NID2: variants seen among roughly 807,000 people sequenced by gnomAD.
NID2 encodes nidogen-2.
Under a neutral mutation model 145.4 loss-of-function variants are expected in NID2, and 83 were observed. The observed-to-expected ratio is 0.57, with a 90% CI of 0.48 to 0.69. The LOEUF is 0.69. NID2 is among the 30% of genes least tolerant of loss of function. The probability of loss-of-function intolerance (pLI) is 0.00; values close to 1 mark genes in which losing one functional copy is unlikely to be tolerated. For synonymous variants in NID2, 739 were observed against 701.3 expected (o/e 1.05, Z -0.85); for missense variants, 1,807 against 1,765.7 (o/e 1.02, Z -0.42).
At chr14:52,008,732 G>A (rs1379063696) in intron 18 of NID2, 1 of 152,178 alleles carries the variant, frequency 6.6e-6, no homozygotes, top group Non-Finnish European at 1.5e-5. Flanking sequence ...AACAAATACA[G>A]CTGTTAGGAA....
intron 14 of NID2, among the ~76,000 whole-genome samples, chr14:52,016,038 G>A (rs1891205017): frequency 1.3e-5 from 2 of 152,106 alleles, no homozygotes; most frequent in East Asian, 3.9e-4. Flanking sequence ...CTGCCGTGTT[G>A]CCCTTTCCCC....
chr14:52,038,861 G>A lies in NID2; in HGVS notation c.2143C>T (p.His715Tyr). 1 of 1,614,138 alleles carries A rather than the reference G, an allele frequency of 6.2e-7. No individual in the cohort carries two copies. The highest frequency in any genetic ancestry group is 1.1e-5 in the South Asian group (1 of 91,068). Residue 715 changes from histidine (H) to tyrosine (Y), a missense_variant, in exon 9 of 22, where the codon CAC (histidine) becomes TAC (tyrosine). Physicochemically the swap from His to Tyr is moderately conservative, Grantham distance 83. Transcript: ENST00000216286. ...TGCTGGGTGGTGGGGAAGGACGGGT[G>A]TCTGGGGGCGTGCCTGCACACCTGG... ...TYQVCRHAPR[H>Y]PSFPTTQQLN...
At chr14:52,006,082 G>T in intron 20 of NID2, 1 of 516,054 alleles carries the variant, frequency 1.9e-6, no homozygotes, top group Non-Finnish European at 3.5e-6. Flanking sequence ...TGTAGGGCAT[G>T]GTGTAAAGGG....
At chr14:52,051,726 A>AT (rs1007436149) in intron 5 of NID2, among the ~76,000 whole-genome samples, 5 of 152,166 alleles carry the variant, frequency 3.3e-5, no homozygotes, top group African/African-American at 7.2e-5. Flanking sequence ...CAAAAACTGG[A>AT]TTTTTTTTGT....
chr14:52,062,771 G>A (rs1893056276), intron 2 of NID2, among the ~76,000 whole-genome samples: 1 of 152,000 alleles, frequency 6.6e-6, no homozygotes, highest in Admixed American at 6.6e-5. Context: ...GAAGAGGAGA[G>A]TCTGACTTTT....
Position 52,029,697 on chromosome 14 carries a change from G to T in NID2, c.2258-7C>A. 6.2e-7 allele frequency: 1 copy of T among 1,611,046 alleles called. No homozygotes were observed. Among genetic ancestry groups the T allele is most frequent in the Non-Finnish European group, 8.5e-7 (1 of 1,177,550 alleles). On this transcript the variant is annotated splice_polypyrimidine_tract_variant and splice_region_variant and intron_variant, in intron 9 of 21. Coordinates refer to ENST00000216286, the MANE Select transcript of NID2 (RefSeq NM_007361.4). ...GGAGTGGGGTCTGAATCCTCTGCAT[G>T]AGTAGAGGGGAAATAAAAGCACAAT...
chr14:52,052,762 T>G (rs1892718231), intron 5 of NID2, among the ~76,000 whole-genome samples: 2 of 152,186 alleles, frequency 1.3e-5, no homozygotes, highest in South Asian at 4.1e-4. Context: ...GACCTCTTTC[T>G]TCCTATCAGA....
At chr14:52,048,471 C>T (rs1892580506) in intron 5 of NID2, among the ~76,000 whole-genome samples, 1 of 152,052 alleles carries the variant, frequency 6.6e-6, no homozygotes, top group Admixed American at 6.5e-5. Context: ...AGATCTGGAT[C>T]CCAGCTAGAT....
intron 11 of NID2, 114 bp downstream of exon 11, chr14:52,028,608 A>C: frequency 8.2e-7 from 1 of 1,226,670 alleles, no homozygotes; most frequent in South Asian, 1.7e-5. Flanking sequence ...CTGTCTTCTT[A>C]AGAAAACCAT....
At chr14:52,054,359 C>T in intron 3 of NID2, 38 bp from the exon 4 acceptor site, 1 of 1,573,114 alleles carries the variant, frequency 6.4e-7, no homozygotes, top group Non-Finnish European at 8.6e-7. Flanking sequence ...ACAAATGTAA[C>T]AAAAGTGTCC....
In NID2 at chr14:52,020,070, T is replaced by C. The variant is rs748716623; in HGVS notation, c.2783A>G (p.Gln928Arg). The C allele has an allele frequency of 7.4e-6, 12 of 1,614,022 alleles. No individual in the cohort carries two copies. In the East Asian group the frequency reaches 2.7e-4, roughly 36 times the overall value. Residue 928 changes from glutamine to arginine, a missense_variant, in exon 13 of 22, where the codon CAG becomes CGG. Gln to Arg is a conservative substitution (Grantham distance 43). Coordinates refer to ENST00000216286, the MANE Select transcript of NID2 (RefSeq NM_007361.4). ...CQPGYYGDGF[Q>R]CIPDSTSSLT... ...CCTCTGAAACTTACCAGGTATGCAC[T>C]GAAATCCATCCCCATAATATCCGGG... is the stretch of plus-strand genomic sequence containing the variant.
At chr14:52,030,465 T>C (rs951379022) in intron 9 of NID2, among the ~76,000 whole-genome samples, 1 of 73,686 alleles carries the variant, frequency 1.4e-5, no homozygotes, top group East Asian at 3.6e-4. Context: ...TGCCAAGACC[T>C]TATCTCGAGA....
chr14:52,019,386 G>T, intron 13 of NID2, 92 bp from the exon 14 acceptor site: 2 of 1,031,624 alleles, frequency 1.9e-6, no homozygotes, highest in Non-Finnish European at 2.7e-6. Context: ...GCATGGAAAA[G>T]CGCTGGGATT....
rs1892780910 is a variant in NID2, at chr14:52,054,307, C to T, written c.782G>A (p.Gly261Glu). 1 of 1,611,748 alleles carries T rather than the reference C, an allele frequency of 6.2e-7. No individual in the cohort carries two copies. The highest frequency in any genetic ancestry group is 1.3e-5 in the African/African-American group (1 of 74,826). Residue 261 changes from glycine (G) to glutamate (E), a missense_variant, in exon 4 of 22, where the codon GGG becomes GAG. Gly to Glu is a moderately conservative substitution (Grantham distance 98). Transcript: ENST00000216286. ...VKNLYQLSNL[G>E]IPGVWAFHIG... ...ATGGAAAGCCCACACTCCAGGGATC[C>T]CCAGGTTGCTTAGTCTAAATAAAAA... is the stretch of plus-strand genomic sequence containing the variant.
rs997828356 is a variant in NID2, at chr14:52,019,769, C to T, written c.2794+290G>A. 7.9e-5 allele frequency among the ~76,000 whole-genome samples: 12 copies of T among 152,300 alleles called. No homozygotes were observed. The South Asian group carries it at 2.3e-3, about 29-fold the overall frequency. ...CTGCTTAATAAGCTTGATCTCAACACTTCATCCAAATTGCACTCATCAAGG... is the reference window on the plus strand; with the variant it reads ...CTGCTTAATAAGCTTGATCTCAACATTTCATCCAAATTGCACTCATCAAGG... On this transcript the variant is annotated intron_variant, in intron 13 of 21. Coordinates refer to ENST00000216286, the MANE Select transcript of NID2 (RefSeq NM_007361.4).
At chr14:52,058,908 C>G (rs1259101187) in intron 3 of NID2, among the ~76,000 whole-genome samples, 1 of 151,734 alleles carries the variant, frequency 6.6e-6, no homozygotes, top group Non-Finnish European at 1.5e-5. Context: ...GAGTAAGGAA[C>G]TGAGTTTGCT....
At chr14:52,048,446 G>A (rs1380826056) in intron 5 of NID2, among the ~76,000 whole-genome samples, 1 of 152,114 alleles carries the variant, frequency 6.6e-6, no homozygotes, top group African/African-American at 2.4e-5. Flanking sequence ...TGAACTTCTT[G>A]AAGGCTGGGA....
chr14:52,051,801 G>A (rs1198746480), intron 5 of NID2, among the ~76,000 whole-genome samples: 6 of 152,102 alleles, frequency 3.9e-5, no homozygotes, highest in African/African-American at 2.4e-5. Flanking sequence ...TTTCACAGGC[G>A]TTTTTTGCCA....
At chr14:52,014,547 C>T (rs1409660072) in intron 15 of NID2, 91 bp from the exon 16 acceptor site, 13 of 1,290,096 alleles carry the variant, frequency 1.0e-5, no homozygotes, top group Non-Finnish European at 1.4e-5. Flanking sequence ...CCAGAGCCTC[C>T]AAAAATATCA....
Sources: gnomAD v4.1 joint callset for allele counts (sites outside exome capture counted in the v4.1 genomes callset) on GRCh38, gnomAD v4.1.1 for gene constraint, MANE v1.5 for transcripts, NCBI Gene and HGNC (gene_info 2026-07-23, HGNC 2026-07-21) for gene names.